The following WWC1 variants were observed in gnomAD, a reference collection of about 807,000 sequenced individuals.
WWC1 encodes WW and C2 domain containing 1.
WWC1 carries 55 observed loss-of-function variants against 138.4 expected under a neutral mutation model. The observed-to-expected ratio is 0.40, with a 90% CI of 0.32 to 0.50. WWC1 has a LOEUF of 0.50. WWC1 is among the 20% of genes least tolerant of loss of function. WWC1 has a pLI of 0.72. For missense variants in WWC1, 1,226 were observed against 1,420.4 expected (o/e 0.86, Z 2.20); for synonymous variants, 524 against 564.9 (o/e 0.93, Z 1.03).
At chr5:168,455,204 C>T (rs1001984891) in intron 18 of WWC1, 152 bp from the exon 19 acceptor site, 13 of 967,274 alleles carry the variant, frequency 1.3e-5, no homozygotes, top group South Asian at 1.8e-5. Context: ...CCAGGCTGAG[C>T]TCATCTAGCA....
At chr5:168,459,905 C>T (rs1756656483) in intron 19 of WWC1, among the ~76,000 whole-genome samples, 1 of 152,086 alleles carries the variant, frequency 6.6e-6, no homozygotes, top group African/African-American at 2.4e-5. Flanking sequence ...GTGCTGTCAT[C>T]CTACCCACTC....
At chr5:168,422,837 G>C (rs528491512) in intron 10 of WWC1, among the ~76,000 whole-genome samples, 4 of 152,178 alleles carry the variant, frequency 2.6e-5, no homozygotes, top group African/African-American at 9.6e-5. Context: ...TAATATAGAT[G>C]TTTTAAAGTA....
intron 15 of WWC1, among the ~76,000 whole-genome samples, chr5:168,437,101 C>G (rs992874446): frequency 1.3e-5 from 2 of 152,136 alleles, no homozygotes; most frequent in African/African-American, 4.8e-5. Flanking sequence ...GTGCTCCCCT[C>G]CGGGCCTTTG....
intron 5 of WWC1, among the ~76,000 whole-genome samples, chr5:168,405,186 C>T (rs1423024059): frequency 2.0e-5 from 3 of 152,244 alleles, no homozygotes; most frequent in East Asian, 1.9e-4. Context: ...GGGAGTTTTT[C>T]ATCCTTCTCT....
chr5:168,468,127 C>T (rs1157931329), intron 22 of WWC1, among the ~76,000 whole-genome samples, 163 bp downstream of exon 22: 1 of 152,266 alleles, frequency 6.6e-6, no homozygotes, highest in Non-Finnish European at 1.5e-5. Flanking sequence ...GATCCATGAG[C>T]TCTGCAGCGC....
chr5:168,323,100 T>A (rs1018510113), intron 1 of WWC1, among the ~76,000 whole-genome samples: 1 of 152,182 alleles, frequency 6.6e-6, no homozygotes, highest in African/African-American at 2.4e-5. Flanking sequence ...GTTTAAAGAT[T>A]TAAAATAAGT....
chr5:168,310,553 C>T (rs954702401), intron 1 of WWC1, among the ~76,000 whole-genome samples: 3 of 151,864 alleles, frequency 2.0e-5, no homozygotes, highest in Non-Finnish European at 4.4e-5. Context: ...AAGTTGGAGG[C>T]CAGGCACAGA....
intron 1 of WWC1, among the ~76,000 whole-genome samples, chr5:168,293,161 C>T: frequency 6.6e-6 from 1 of 152,220 alleles, no homozygotes; most frequent in East Asian, 1.9e-4. Flanking sequence ...CCTCTCCAGA[C>T]TTTCTCCTGG....
At position 168,371,499 on chromosome 5, in the gene WWC1, A is replaced by T. The variant is rs1170726685; in HGVS notation, c.195A>T (p.Pro65=). ...LPLGWEEAYD[P]QVGDYFIDHN... ...TAGGATGGGAAGAGGCATATGACCC[A>T]CAGGTTGGAGATTACTTCATAGACC... is the stretch of plus-strand genomic sequence containing the variant. Residue 65 remains proline (P), a synonymous_variant, in exon 2 of 23, where the codon CCA becomes CCT. Coordinates refer to ENST00000265293, the MANE Select transcript of WWC1 (RefSeq NM_015238.3). 1.2e-6 allele frequency: 2 copies of T among 1,613,942 alleles called. No homozygotes were observed. The highest frequency in any genetic ancestry group is 1.1e-5 in the South Asian group (1 of 91,072).
chr5:168,430,372 G>A (rs1195515851), intron 14 of WWC1, 149 bp downstream of exon 14: 14 of 620,730 alleles, frequency 2.3e-5, no homozygotes, highest in Admixed American at 8.5e-5. Flanking sequence ...GCTGAATGTC[G>A]GTGCTGTGCA....
intron 1 of WWC1, among the ~76,000 whole-genome samples, chr5:168,341,233 G>C (rs1774010443): frequency 6.6e-6 from 1 of 152,178 alleles, no homozygotes; most frequent in Non-Finnish European, 1.5e-5. Flanking sequence ...AGAGTGGCCA[G>C]GGAAGGAAAG....
intron 1 of WWC1, among the ~76,000 whole-genome samples, chr5:168,367,612 C>G (rs1161641251): frequency 6.6e-6 from 1 of 152,162 alleles, no homozygotes; most frequent in Non-Finnish European, 1.5e-5. Flanking sequence ...AGCCACTGCG[C>G]CTGGCCCAGT....
intron 1 of WWC1, among the ~76,000 whole-genome samples, chr5:168,354,151 A>G (rs1170755041): frequency 6.6e-6 from 1 of 151,884 alleles, no homozygotes; most frequent in Non-Finnish European, 1.5e-5. Context: ...CCTGGATTCA[A>G]GCGATTCTCC....
At chr5:168,337,912 G>A (rs1773633110) in intron 1 of WWC1, among the ~76,000 whole-genome samples, 1 of 152,318 alleles carries the variant, frequency 6.6e-6, no homozygotes, top group Admixed American at 6.5e-5. Context: ...TGCTAGGGAT[G>A]AGGAGAGAAA....
intron 1 of WWC1, among the ~76,000 whole-genome samples, chr5:168,346,700 C>A (rs1388305742): frequency 1.3e-5 from 2 of 152,192 alleles, no homozygotes; most frequent in South Asian, 2.1e-4. Context: ...AAAGCCGGGA[C>A]CTCCCAGGGC....
intron 4 of WWC1, among the ~76,000 whole-genome samples, chr5:168,398,597 C>A (rs1779085943): frequency 6.6e-6 from 1 of 152,156 alleles, no homozygotes; most frequent in African/African-American, 2.4e-5. Context: ...TTCCATTTTA[C>A]CAGTATGGAA....
At chr5:168,357,026 G>T (rs1775477938) in intron 1 of WWC1, among the ~76,000 whole-genome samples, 2 of 152,090 alleles carry the variant, frequency 1.3e-5, no homozygotes, top group Non-Finnish European at 2.9e-5. Context: ...ACGGTTATTT[G>T]AGTATCAAAT....
intron 2 of WWC1, among the ~76,000 whole-genome samples, chr5:168,380,154 A>C (rs1055756324): frequency 2.0e-5 from 3 of 152,234 alleles, no homozygotes; most frequent in Non-Finnish European, 2.9e-5. Context: ...ACAACTTAAC[A>C]GTAAGAAGCA....
rs537683558 is a variant in WWC1 at position 168,425,617 on chromosome 5, G to A, written c.1810+1549G>A. Among the ~76,000 whole-genome samples, 9 of 151,018 alleles carry A rather than the reference G, an allele frequency of 6.0e-5. No individual in the cohort carries two copies. The East Asian group carries it at 1.6e-3, about 26-fold the overall frequency. On this transcript the variant is annotated intron_variant, in intron 11 of 22. Transcript: ENST00000265293. The stretch of plus-strand genomic sequence containing the variant: ...AGCGATTCTCCTGCGTCAGCCTCCC[G>A]AGTAGCTGGAATTACAGGTGCACAT...
Sources: allele counts gnomAD v4.1 joint callset (sites outside exome capture counted in the v4.1 genomes callset), GRCh38; gene constraint gnomAD v4.1.1; transcripts MANE v1.5; gene names NCBI Gene and HGNC (gene_info 2026-07-23, HGNC 2026-07-21).